Variants in USP32 observed in about 807,000 individuals in gnomAD.
The protein encoded by USP32 is ubiquitin specific peptidase 32.
In USP32, 59 loss-of-function variants were observed where a neutral mutation model predicts 204.8. The ratio of observed to expected loss-of-function variants is 0.29; its 90% CI spans 0.23 to 0.36. The LOEUF (loss-of-function observed/expected upper bound fraction) is 0.36. USP32 is among the 10% of genes least tolerant of loss of function. USP32 has a pLI of 1.00. For synonymous variants in USP32, 517 were observed against 678.4 expected (o/e 0.76, Z 3.70); for missense variants, 1,160 against 1,946.4 (o/e 0.60, Z 7.60).
intron 1 of USP32, among the ~76,000 whole-genome samples, chr17:60,380,044 G>GT (rs1268699081): frequency 6.6e-6 from 1 of 152,104 alleles, no homozygotes; most frequent in Non-Finnish European, 1.5e-5. Context: ...GGATCCAAAT[G>GT]TAAGAATTCA....
chr17:60,188,842 C>T (rs763597962), intron 29 of USP32, among the ~76,000 whole-genome samples: 1 of 152,174 alleles, frequency 6.6e-6, no homozygotes, highest in Admixed American at 6.5e-5. Flanking sequence ...TTCAGAAACC[C>T]TACATGTAGG....
chr17:60,305,893 C>G (rs1363648112), intron 2 of USP32, among the ~76,000 whole-genome samples: 1 of 152,092 alleles, frequency 6.6e-6, no homozygotes, highest in Non-Finnish European at 1.5e-5. Flanking sequence ...ACCTCCCTAT[C>G]GCTCCCAAAA....
At chr17:60,240,514 CA>C (rs1567795021) in intron 11 of USP32, among the ~76,000 whole-genome samples, 5 of 148,588 alleles carry the variant, frequency 3.4e-5, no homozygotes, top group Non-Finnish European at 7.4e-5. Context: ...GAGAGAGAGA[CA>C]AAAGACAGAG....
At chr17:60,227,599 G>A (rs920882431) in intron 12 of USP32, among the ~76,000 whole-genome samples, 1 of 146,722 alleles carries the variant, frequency 6.8e-6, no homozygotes, top group African/African-American at 2.5e-5. Flanking sequence ...TTTTTTTTGA[G>A]ACAGGGTCTC....
At chr17:60,196,023 C>T (rs1337062662) in intron 27 of USP32, among the ~76,000 whole-genome samples, 2 of 152,146 alleles carry the variant, frequency 1.3e-5, no homozygotes, top group African/African-American at 4.8e-5. Flanking sequence ...TGTAATCCCA[C>T]CACTTTGGGA....
intron 11 of USP32, among the ~76,000 whole-genome samples, chr17:60,243,656 C>T (rs917248723): frequency 1.1e-4 from 16 of 152,212 alleles, no homozygotes; most frequent in East Asian, 1.9e-4. Context: ...CCACTTAAAA[C>T]GGTAAAAACA....
intron 1 of USP32, among the ~76,000 whole-genome samples, chr17:60,369,930 A>C (rs1272713603): frequency 6.6e-6 from 1 of 152,110 alleles, no homozygotes; most frequent in Non-Finnish European, 1.5e-5. Flanking sequence ...TGTAGAGACA[A>C]GGTCTCACTA....
chr17:60,406,283 A>G lies in USP32; in HGVS notation c.106+15963T>C, dbSNP rs984309935. On this transcript the variant is annotated intron_variant, in intron 1 of 3. Coordinates refer to the USP32 transcript ENST00000588898. ...AACCTCCGCCTCCTGGGTTCAAGCG[A>G]TTCTCCTGCCTCAGCCTCCCAAATA... Among the ~76,000 whole-genome samples, 20 of 151,760 alleles carry G rather than the reference A, an allele frequency of 1.3e-4. No individual in the cohort carries two copies. In the East Asian group the frequency reaches 1.7e-3, roughly 13 times the overall value.
In USP32 at chr17:60,179,343, G is replaced by C; in HGVS notation, c.4727C>G (p.Pro1576Arg). Residue 1576 changes from proline (P) to arginine (R), a missense_variant, in exon 34 of 34, where the codon CCA (proline) becomes CGA (arginine). This residue lies in a region of USP32 where 244 missense variants were observed against 342.3 expected (regional missense o/e 0.71). Transcript: ENST00000300896. ...QQGIDYAQFL[P>R]KTDGKKMADT... ...TGCCATCTTTTTGCCATCAGTCTTT[G>C]GCAGAAATTGTGCATAGTCTATCCC... 1.2e-6 allele frequency: 2 copies of C among 1,613,808 alleles called. No homozygotes were observed. The highest frequency in any genetic ancestry group is 1.7e-6 in the Non-Finnish European group (2 of 1,179,870).
In USP32 at chr17:60,389,590, T is replaced by C. The variant is rs12600894; in HGVS notation, c.58+2292A>G. 3.2e-3 allele frequency among the ~76,000 whole-genome samples: 458 copies of C among 145,378 alleles called. 8 individuals carry two copies. The highest frequency in any genetic ancestry group is 0.013 in the East Asian group (67 of 5,144). ...ACTTTTTTTGTAATCTTAAATTCTA[T>C]ATTAAAGTCTGACATTTACTAAATG... On this transcript the variant is annotated intron_variant, in intron 1 of 33. Coordinates refer to ENST00000300896, the MANE Select transcript of USP32 (RefSeq NM_032582.4).
At chr17:60,207,247 G>A (rs1448894269) in intron 24 of USP32, 115 bp from the exon 25 acceptor site, 58 of 1,422,948 alleles carry the variant, frequency 4.1e-5, no homozygotes, top group Non-Finnish European at 5.4e-5. Context: ...TAAAACCAAC[G>A]AGATGATTGA....
At chr17:60,379,731 C>G (rs746434100) in intron 1 of USP32, among the ~76,000 whole-genome samples, 96 of 152,206 alleles carry the variant, frequency 6.3e-4, no homozygotes, top group Non-Finnish European at 1.2e-3. Flanking sequence ...CCACATGTTA[C>G]TTAACGTTCA....
chr17:60,420,560 G>C (rs894274210), intron 1 of USP32, among the ~76,000 whole-genome samples: 1 of 152,078 alleles, frequency 6.6e-6, no homozygotes, highest in Non-Finnish European at 1.5e-5. Context: ...CCAGCTACTC[G>C]GGAGGCTGAG....
chr17:60,258,266 G>C (rs1376140015), intron 9 of USP32: 1 of 170,100 alleles, frequency 5.9e-6, no homozygotes, highest in Non-Finnish European at 1.4e-5. Context: ...AAAACAATTT[G>C]GAAGCACAGC....
intron 1 of USP32, among the ~76,000 whole-genome samples, chr17:60,389,885 C>G (rs2146138940): frequency 6.6e-6 from 1 of 151,990 alleles, no homozygotes; most frequent in African/African-American, 2.4e-5. Flanking sequence ...GGCGTGGTGG[C>G]GGGCACCTAT....
chr17:60,384,071 C>T (rs1341554569), intron 1 of USP32, among the ~76,000 whole-genome samples: 1 of 152,146 alleles, frequency 6.6e-6, no homozygotes, highest in East Asian at 1.9e-4. Context: ...GTGACAGATT[C>T]TAACTGGAGA....
intron 26 of USP32, 90 bp downstream of exon 26, chr17:60,205,357 T>C (rs2084796548): frequency 6.8e-7 from 1 of 1,464,152 alleles, no homozygotes. Context: ...GAGAAGAAAA[T>C]ACATTCAATG....
chr17:60,223,808 C>T (rs1033364368), intron 13 of USP32, among the ~76,000 whole-genome samples: 1 of 152,146 alleles, frequency 6.6e-6, no homozygotes, highest in Non-Finnish European at 1.5e-5. Flanking sequence ...ACCAAATGAA[C>T]ATTTGGCCAC....
intron 4 of USP32, among the ~76,000 whole-genome samples, chr17:60,290,619 TTCA>T (rs1353446610): frequency 3.3e-5 from 5 of 152,192 alleles, no homozygotes; most frequent in Non-Finnish European, 7.3e-5. Flanking sequence ...ATATTTGGTC[TTCA>T]TCTCTTTTTC....
Sources: allele counts gnomAD v4.1 joint callset (sites outside exome capture counted in the v4.1 genomes callset), GRCh38; gene constraint gnomAD v4.1.1; regional missense constraint gnomAD v4.1.1; transcripts MANE v1.5; gene names NCBI Gene and HGNC (gene_info 2026-07-23, HGNC 2026-07-21).